Variants in PDIA4 observed in about 807,000 individuals in gnomAD.
PDIA4 encodes protein disulfide-isomerase A4.
PDIA4 carries 33 observed loss-of-function variants against 62.1 expected under a neutral mutation model. The ratio of observed to expected loss-of-function variants is 0.53; its 90% CI spans 0.40 to 0.71. PDIA4 has a LOEUF of 0.71. Among genes scored for constraint, PDIA4 ranks in the 30% least tolerant of loss-of-function variants. The pLI is 0.00. For synonymous variants in PDIA4, 341 were observed against 324.1 expected (o/e 1.05, Z -0.56); for missense variants, 804 against 813.6 (o/e 0.99, Z 0.14).
intron 6 of PDIA4, among the ~76,000 whole-genome samples, chr7:149,010,119 T>A (rs1259083588): frequency 2.0e-5 from 3 of 152,184 alleles, no homozygotes; most frequent in Admixed American, 6.5e-5. Flanking sequence ...TGTGACCTAC[T>A]AACTGCGTAG....
At chr7:149,017,304 C>A (rs952424986) in intron 3 of PDIA4, among the ~76,000 whole-genome samples, 2 of 152,096 alleles carry the variant, frequency 1.3e-5, no homozygotes, top group Admixed American at 1.3e-4. Flanking sequence ...AAATAAGAGG[C>A]CGGGCACAGT....
chr7:149,008,416 G>A (rs944159077), intron 6 of PDIA4, 106 bp from the exon 7 acceptor site: 9 of 1,218,694 alleles, frequency 7.4e-6, no homozygotes, highest in Non-Finnish European at 7.0e-6. Flanking sequence ...AATGACCACT[G>A]TAGGCTGGGC....
chr7:149,011,210 G>A (rs913398809), intron 6 of PDIA4, among the ~76,000 whole-genome samples: 4 of 152,116 alleles, frequency 2.6e-5, no homozygotes, highest in Non-Finnish European at 5.9e-5. Context: ...CAATGAGGAT[G>A]GCCAGGACCC....
intron 7 of PDIA4, chr7:149,006,283 C>A: frequency 6.3e-6 from 3 of 476,854 alleles, no homozygotes; most frequent in African/African-American, 6.2e-5. Flanking sequence ...AAAAGGCAAA[C>A]ACCTTGGCCC....
intron 3 of PDIA4, among the ~76,000 whole-genome samples, chr7:149,015,494 A>G (rs956390886): frequency 4.9e-5 from 1 of 20,392 alleles, no homozygotes; most frequent in African/African-American, 6.5e-5. Context: ...GATGTATGCA[A>G]AAAAAAAAAA....
intron 2 of PDIA4, among the ~76,000 whole-genome samples, chr7:149,019,540 C>T (rs111805549): frequency 0.012 from 1,797 of 152,120 alleles, 35 homozygotes; most frequent in African/African-American, 0.041. Context: ...GGCAGTATGG[C>T]GAAACTCCAT....
At chr7:149,017,326 A>G (rs1437069379) in intron 3 of PDIA4, among the ~76,000 whole-genome samples, 3 of 152,314 alleles carry the variant, frequency 2.0e-5, no homozygotes, top group East Asian at 1.9e-4. Context: ...GCTCACGCCT[A>G]TAATTCCAGC....
At chr7:149,018,073 C>G (rs924728623) in intron 3 of PDIA4, among the ~76,000 whole-genome samples, 1 of 151,824 alleles carries the variant, frequency 6.6e-6, no homozygotes, top group Admixed American at 6.6e-5. Flanking sequence ...ACTAAAAATA[C>G]AAAAAATTAG....
At chr7:149,005,755 C>T (rs1823733114) in intron 8 of PDIA4, 142 bp downstream of exon 8, 1 of 623,006 alleles carries the variant, frequency 1.6e-6, no homozygotes, top group Non-Finnish European at 2.6e-6. Context: ...ATACCTGAGC[C>T]ACCAACGTGC....
intron 7 of PDIA4, among the ~76,000 whole-genome samples, chr7:149,007,736 G>C (rs898604391): frequency 6.6e-6 from 1 of 152,254 alleles, no homozygotes; most frequent in Non-Finnish European, 1.5e-5. Flanking sequence ...GAACAGACAG[G>C]GATGCTGTCC....
At chr7:149,027,184 G>A (rs1824587293) in intron 1 of PDIA4, among the ~76,000 whole-genome samples, 1 of 152,182 alleles carries the variant, frequency 6.6e-6, no homozygotes, top group Non-Finnish European at 1.5e-5. Context: ...TTCTGCTTCA[G>A]TGTATTTTGG....
chr7:149,014,024 C>T (rs530821062), intron 4 of PDIA4, among the ~76,000 whole-genome samples: 11 of 152,240 alleles, frequency 7.2e-5, no homozygotes, highest in African/African-American at 2.4e-4. Flanking sequence ...GTGTCCCAGA[C>T]GCTTCCTTCC....
In PDIA4 at chr7:149,019,088, C is replaced by A; in HGVS notation, c.379G>T (p.Val127Leu). The change falls in exon 3 of 10, where the codon GTG becomes TTG. Residue 127 changes from valine (V) to leucine (L), a missense_variant. Coordinates refer to ENST00000652332, the MANE Select transcript of PDIA4 (RefSeq NM_004911.5). ...VAKIDATSAS[V>L]LASRFDVSGY... ...CTCACATCAAACCTGCTGGCCAGCA[C>A]AGACGCTGAGGTTGCATCGATCTTG... 1 of 1,613,824 alleles carries A rather than the reference C, an allele frequency of 6.2e-7. No individual in the cohort carries two copies. Among genetic ancestry groups the A allele is most frequent in the Non-Finnish European group, 8.5e-7 (1 of 1,179,900 alleles).
intron 4 of PDIA4, among the ~76,000 whole-genome samples, chr7:149,013,258 C>A (rs901628837): frequency 2.0e-5 from 3 of 152,100 alleles, no homozygotes; most frequent in African/African-American, 7.2e-5. Context: ...AAAAAAGAAC[C>A]AACATCCCAC....
intron 6 of PDIA4, among the ~76,000 whole-genome samples, chr7:149,009,780 G>A (rs1292195828): frequency 6.6e-6 from 1 of 152,212 alleles, no homozygotes; most frequent in African/African-American, 2.4e-5. Context: ...GATGTCACAT[G>A]CAAAGACAGG....
chr7:149,012,995 C>G (rs919090665), intron 4 of PDIA4, among the ~76,000 whole-genome samples: 2 of 152,176 alleles, frequency 1.3e-5, no homozygotes, highest in African/African-American at 4.8e-5. Flanking sequence ...CTCCTGTAAT[C>G]GCAGCACTTT....
chr7:149,008,293 C>T lies in PDIA4; in HGVS notation c.997G>A (p.Asp333Asn). Residue 333 changes from aspartate to asparagine, a missense_variant, in exon 7 of 10, where the codon GAT (aspartate) becomes AAT (asparagine). Coordinates refer to ENST00000652332, the MANE Select transcript of PDIA4 (RefSeq NM_004911.5). Reference sequence around the variant, plus strand: ...CTGAAAGTGTGGTGAAATTTGTAATCTTCTCTCAGGTTGTTAGCTGAAACG... The same window carrying T: ...CTGAAAGTGTGGTGAAATTTGTAATTTTCTCTCAGGTTGTTAGCTGAAACG... ...YQDAANNLRE[D>N]YKFHHTFSTE... The T allele has an allele frequency of 6.2e-7, 1 of 1,613,630 alleles. No individual in the cohort carries two copies. The highest frequency in any genetic ancestry group is 8.5e-7 in the Non-Finnish European group (1 of 1,179,866).
chr7:149,024,201 C>T (rs1824456205), intron 1 of PDIA4, among the ~76,000 whole-genome samples: 1 of 151,206 alleles, frequency 6.6e-6, no homozygotes, highest in South Asian at 2.1e-4. Flanking sequence ...GAGCCGAGAT[C>T]ACACCATTGC....
At position 149,028,328 on chromosome 7, in the gene PDIA4, C is replaced by A; in HGVS notation, c.81G>T (p.Pro27=). Residue 27 remains proline, a synonymous_variant, in exon 1 of 10, where the codon CCG becomes CCT. Coordinates refer to ENST00000652332, the MANE Select transcript of PDIA4 (RefSeq NM_004911.5). ...QLLAVAGAEG[P]DEDSSNRENA... ...GGCGCGCTTGCCGCTCACCCTCGTCCGGGCCCTCGGCACCCGCCACGGCCA... is the reference window on the plus strand; with the variant it reads ...GGCGCGCTTGCCGCTCACCCTCGTCAGGGCCCTCGGCACCCGCCACGGCCA... 1 of 1,522,084 alleles carries A rather than the reference C, an allele frequency of 6.6e-7. No individual in the cohort carries two copies. 94.3% of individuals were successfully genotyped at this position (1,522,084 alleles called of 1,614,324 possible). A position where few individuals can be genotyped will look rare whatever the true frequency, so the allele number is the denominator to read the frequency against.
Sources: allele counts gnomAD v4.1 joint callset (sites outside exome capture counted in the v4.1 genomes callset), GRCh38; gene constraint gnomAD v4.1.1; transcripts MANE v1.5; gene names NCBI Gene and HGNC (gene_info 2026-07-23, HGNC 2026-07-21).